The following TRIM33 variants were observed in gnomAD, a reference collection of about 807,000 sequenced individuals.
TRIM33 encodes E3 ubiquitin-protein ligase TRIM33.
In TRIM33, 20 loss-of-function variants were observed where a neutral mutation model predicts 125.4. That is an observed-to-expected ratio of 0.16 (90% confidence interval 0.11 to 0.23). The LOEUF is 0.23. TRIM33 is among the 10% of genes least tolerant of loss of function. The pLI, the probability that TRIM33 is intolerant of heterozygous loss-of-function variation, is 1.00. For synonymous variants in TRIM33, 564 were observed against 513.9 expected, an observed-to-expected ratio of 1.10 and a Z score of -1.32; for missense variants, 920 against 1,411.4, an observed-to-expected ratio of 0.65 and a Z score of 5.58.
chr1:114,451,902 C>T (rs866968385), intron 4 of TRIM33, among the ~76,000 whole-genome samples: 5 of 152,034 alleles, frequency 3.3e-5, no homozygotes, highest in Non-Finnish European at 4.4e-5. Context: ...AAAAACAAAA[C>T]ACAGTTTTAG....
chr1:114,411,127 C>T (rs1652558232), intron 11 of TRIM33, among the ~76,000 whole-genome samples: 1 of 152,124 alleles, frequency 6.6e-6, no homozygotes, highest in African/African-American at 2.4e-5. Context: ...GCAACCTCCA[C>T]CTCCCAGGCT....
intron 11 of TRIM33, among the ~76,000 whole-genome samples, chr1:114,413,255 T>A (rs1470197699): frequency 6.6e-6 from 1 of 151,978 alleles, no homozygotes; most frequent in Non-Finnish European, 1.5e-5. Context: ...CTCTAAGAAC[T>A]GACATGAAAA....
At chr1:114,404,327 G>C (rs1320689565) in intron 15 of TRIM33, 1 of 150,844 alleles carries the variant, frequency 6.6e-6, no homozygotes, top group East Asian at 2.0e-4. Flanking sequence ...TGTATTTTTA[G>C]TAGAGATGGG....
chr1:114,464,133 G>T lies in TRIM33; in HGVS notation c.645+137C>A, dbSNP rs542283439. ...ACTAAGTTTGAGAGTATATAAGAAAGCTATCTTTAACTTTCTATTTGAAAC... is the reference window on the plus strand; with the variant it reads ...ACTAAGTTTGAGAGTATATAAGAAATCTATCTTTAACTTTCTATTTGAAAC... On this transcript the variant is annotated intron_variant, in intron 2 of 19. Transcript: ENST00000358465. 294 of 508,590 alleles carry T rather than the reference G, an allele frequency of 5.8e-4. 2 individuals are homozygous for T. The highest frequency in any genetic ancestry group is 3.6e-3 in the Middle Eastern group (7 of 1,930). The allele number at this position is 508,590 out of a possible 1,614,324, so 31.5% of individuals were successfully genotyped here.
intron 1 of TRIM33, among the ~76,000 whole-genome samples, chr1:114,485,268 T>C (rs1159904481): frequency 6.6e-6 from 1 of 151,356 alleles, no homozygotes; most frequent in African/African-American, 2.4e-5. Flanking sequence ...CGACTTTAAT[T>C]GAAGCCCCCA....
At position 114,482,649 on chromosome 1, in the gene TRIM33, A is replaced by G. The variant is rs143724900; in HGVS notation, c.527-18261T>C. Among the ~76,000 whole-genome samples, 301 of 152,302 alleles carry G rather than the reference A, an allele frequency of 2.0e-3. 2 individuals carry two copies. The highest frequency in any genetic ancestry group is 2.4e-3 in the African/African-American group (98 of 41,574). On this transcript the variant is annotated intron_variant, in intron 1 of 19. Transcript: ENST00000358465. The stretch of plus-strand genomic sequence containing the variant: ...ATCTCATGTTGAATTGTAATCTCCA[A>G]TGTTGGAGGAGGGCCCCGGTGGGAG...
chr1:114,425,707 C>T lies in TRIM33; in HGVS notation c.1437G>A (p.Glu479=). Residue 479 remains glutamate (E), a synonymous_variant, in exon 9 of 20, where the codon GAG becomes GAA. Coordinates refer to ENST00000358465, the MANE Select transcript of TRIM33 (RefSeq NM_015906.4). ...NVVNLGNLVI[E]SKPAPGYTPN... ...GAGTATAACCAGGAGCTGGTTTACTCTCTATTACTAGATTACCTGAAAAAT... is the reference window on the plus strand; with the variant it reads ...GAGTATAACCAGGAGCTGGTTTACTTTCTATTACTAGATTACCTGAAAAAT... 2 of 1,602,950 alleles carry T rather than the reference C, an allele frequency of 1.2e-6. No homozygotes were observed.
At chr1:114,405,302 A>G (rs1652163344) in intron 15 of TRIM33, 108 bp downstream of exon 15, 2 of 798,794 alleles carry the variant, frequency 2.5e-6, no homozygotes, top group African/African-American at 1.7e-5. Flanking sequence ...TCCCTGTTTT[A>G]TAGAAATACT....
intron 1 of TRIM33, among the ~76,000 whole-genome samples, chr1:114,490,100 A>AG (rs1391724622): frequency 3.5e-5 from 5 of 142,100 alleles, no homozygotes; most frequent in Middle Eastern, 3.5e-3. Flanking sequence ...AAAAAAAAAA[A>AG]AAAAGAAAAG....
At chr1:114,419,420 G>A (rs1314671838) in intron 11 of TRIM33, among the ~76,000 whole-genome samples, 1 of 152,036 alleles carries the variant, frequency 6.6e-6, no homozygotes, top group Non-Finnish European at 1.5e-5. Context: ...GCGGTTATAC[G>A]AACCTCTCTT....
rs927866174 is a variant in TRIM33 at position 114,510,676 on chromosome 1, C to T, written c.401G>A (p.Ser134Asn). ...TCAVCQQSLQ[S>N]RREAEPKLLP... ...CAGCTTGGGCTCCGCCTCACGCCGG[C>T]TCTGCAAGCTCTGCTGACACACGGC... is the stretch of plus-strand genomic sequence containing the variant. The change falls in exon 1 of 20, where the codon AGC (serine) becomes AAC (asparagine). Residue 134 changes from serine (S) to asparagine (N), a missense_variant. Coordinates refer to ENST00000358465, the MANE Select transcript of TRIM33 (RefSeq NM_015906.4). The T allele has an allele frequency of 3.2e-6, 5 of 1,547,308 alleles. No individual in the cohort carries two copies. The highest frequency in any genetic ancestry group is 4.3e-6 in the Non-Finnish European group (5 of 1,152,532).
At chr1:114,495,204 C>T (rs2101549193) in intron 1 of TRIM33, among the ~76,000 whole-genome samples, 1 of 152,206 alleles carries the variant, frequency 6.6e-6, no homozygotes, top group South Asian at 2.1e-4. Flanking sequence ...TGTGAGCCCC[C>T]ATGCCTGCCA....
chr1:114,470,156 T>C (rs773150939), intron 1 of TRIM33, among the ~76,000 whole-genome samples: 3 of 152,212 alleles, frequency 2.0e-5, no homozygotes, highest in Non-Finnish European at 4.4e-5. Context: ...GCTTCTTATA[T>C]TCTTGAAGTT....
chr1:114,428,544 A>G (rs1230661339), intron 6 of TRIM33, among the ~76,000 whole-genome samples: 1 of 152,218 alleles, frequency 6.6e-6, no homozygotes, highest in Non-Finnish European at 1.5e-5. Context: ...CATACTTTTG[A>G]CATTCAGCAT....
At chr1:114,414,726 G>A (rs995082453) in intron 11 of TRIM33, among the ~76,000 whole-genome samples, 1 of 152,054 alleles carries the variant, frequency 6.6e-6, no homozygotes, top group African/African-American at 2.4e-5. Context: ...TAAACTCTAT[G>A]ACAGCAGGTC....
chr1:114,486,861 T>C (rs932180308), intron 1 of TRIM33, among the ~76,000 whole-genome samples: 6 of 151,604 alleles, frequency 4.0e-5, no homozygotes, highest in Admixed American at 1.3e-4. Flanking sequence ...CCAAGGCAGG[T>C]GGATCACTTG....
At chr1:114,431,717 C>T (rs1031373569) in intron 5 of TRIM33, among the ~76,000 whole-genome samples, 2 of 152,126 alleles carry the variant, frequency 1.3e-5, no homozygotes, top group African/African-American at 4.8e-5. Context: ...TTGCCAAGTT[C>T]GAATTTAGTT....
At chr1:114,498,119 T>A (rs557376987) in intron 1 of TRIM33, among the ~76,000 whole-genome samples, 118 of 123,132 alleles carry the variant, frequency 9.6e-4, no homozygotes, top group Non-Finnish European at 1.4e-3. Flanking sequence ...AGACTGAGAC[T>A]CTGTCTCAAA....
intron 5 of TRIM33, 128 bp from the exon 6 acceptor site, chr1:114,431,040 C>CT: frequency 1.6e-6 from 1 of 636,388 alleles, no homozygotes; most frequent in Non-Finnish European, 2.8e-6. Context: ...TCAAAATGTA[C>CT]AACTCATGTT....
Sources: allele counts gnomAD v4.1 joint callset (sites outside exome capture counted in the v4.1 genomes callset), GRCh38; gene constraint gnomAD v4.1.1; transcripts MANE v1.5; gene names NCBI Gene and HGNC (gene_info 2026-07-23, HGNC 2026-07-21).